Variants in RAPGEF4 observed in about 807,000 individuals in gnomAD.
RAPGEF4 encodes Rap guanine nucleotide exchange factor 4, also known as RAP guanine-nucleotide-exchange factor (GEF) 4.
RAPGEF4 carries 66 observed loss-of-function variants against 147.9 expected under a neutral mutation model. That is an observed-to-expected ratio of 0.45 (90% CI 0.37 to 0.55). RAPGEF4 has a LOEUF of 0.55. Ranked by LOEUF, RAPGEF4 falls within the 20% of genes least tolerant of loss-of-function variation. The probability of loss-of-function intolerance (pLI) is 0.00; values close to 1 mark genes in which losing one functional copy is unlikely to be tolerated. For synonymous variants in RAPGEF4, 419 were observed against 442.7 expected (o/e 0.95, Z 0.67); for missense variants, 1,071 against 1,257.3 (o/e 0.85, Z 2.24).
At chr2:173,047,558 T>C (rs1293517582) in intron 29 of RAPGEF4, among the ~76,000 whole-genome samples, 1 of 152,172 alleles carries the variant, frequency 6.6e-6, no homozygotes, top group Non-Finnish European at 1.5e-5. Flanking sequence ...AAAAACATGT[T>C]TTTATATATT....
intron 29 of RAPGEF4, chr2:173,048,367 T>C: frequency 7.0e-6 from 6 of 862,454 alleles, no homozygotes; most frequent in Non-Finnish European, 9.6e-6. Flanking sequence ...CCAACAATTA[T>C]GAGAGTTATG....
At chr2:172,792,114 G>A (rs529332600) in intron 1 of RAPGEF4, among the ~76,000 whole-genome samples, 29 of 152,280 alleles carry the variant, frequency 1.9e-4, no homozygotes, top group Admixed American at 1.8e-3. Context: ...TTCTGTGGCC[G>A]CAACCTGACT....
chr2:172,884,780 A>G (rs1697000697), intron 4 of RAPGEF4, among the ~76,000 whole-genome samples: 1 of 152,178 alleles, frequency 6.6e-6, no homozygotes, highest in Admixed American at 6.5e-5. Context: ...TTTTTTTCCA[A>G]AAAAATACAT....
intron 6 of RAPGEF4, among the ~76,000 whole-genome samples, chr2:172,936,449 A>G (rs1225140427): frequency 6.6e-6 from 1 of 152,206 alleles, no homozygotes; most frequent in Non-Finnish European, 1.5e-5. Context: ...GTATACAAAT[A>G]GAAACAAAAT....
chr2:172,974,624 A>G (rs1690874108), intron 10 of RAPGEF4, among the ~76,000 whole-genome samples: 1 of 152,238 alleles, frequency 6.6e-6, no homozygotes, highest in Non-Finnish European at 1.5e-5. Flanking sequence ...TGGAGGCTGC[A>G]GTGAGCCGTG....
chr2:173,017,300 T>C (rs1695594163), intron 20 of RAPGEF4, 96 bp downstream of exon 20: 3 of 1,498,494 alleles, frequency 2.0e-6, no homozygotes, highest in Non-Finnish European at 2.8e-6. Flanking sequence ...TGATTTCTTT[T>C]TTGTAGACGT....
chr2:172,841,172 G>C (rs966579109), intron 4 of RAPGEF4, among the ~76,000 whole-genome samples: 5 of 152,178 alleles, frequency 3.3e-5, no homozygotes, highest in Admixed American at 6.5e-5. Context: ...TTTGGCTGGT[G>C]GGGGCAGATC....
At chr2:172,808,881 T>G (rs1361862857) in intron 3 of RAPGEF4, among the ~76,000 whole-genome samples, 1 of 152,160 alleles carries the variant, frequency 6.6e-6, no homozygotes, top group Non-Finnish European at 1.5e-5. Flanking sequence ...TGACCATGGG[T>G]AGCCTCCACG....
intron 6 of RAPGEF4, among the ~76,000 whole-genome samples, chr2:172,937,353 C>G (rs1263969293): frequency 6.6e-6 from 1 of 152,142 alleles, no homozygotes; most frequent in Non-Finnish European, 1.5e-5. Context: ...CTCCTTTTGG[C>G]TATCCATTTC....
chr2:172,991,092 A>T (rs1300127999), intron 15 of RAPGEF4, among the ~76,000 whole-genome samples, 167 bp downstream of exon 15: 2 of 152,162 alleles, frequency 1.3e-5, no homozygotes, highest in African/African-American at 4.8e-5. Flanking sequence ...TAATGTATCC[A>T]TTTCTGGCAC....
chr2:172,784,531 G>T (rs887533083), intron 1 of RAPGEF4, among the ~76,000 whole-genome samples: 2 of 142,546 alleles, frequency 1.4e-5, no homozygotes, highest in Non-Finnish European at 3.1e-5. Context: ...AAAAAAAAAA[G>T]ATCCCTGAAA....
chr2:172,844,849 C>T (rs1029009568), intron 4 of RAPGEF4, among the ~76,000 whole-genome samples: 3 of 152,134 alleles, frequency 2.0e-5, no homozygotes, highest in Admixed American at 1.3e-4. Context: ...ATGTCATCTA[C>T]GATGTGGAAA....
chr2:172,805,602 C>G (rs1294760355), intron 3 of RAPGEF4, among the ~76,000 whole-genome samples: 2 of 152,194 alleles, frequency 1.3e-5, no homozygotes, highest in Non-Finnish European at 2.9e-5. Flanking sequence ...CTTCATCCTC[C>G]TAAGGTGTCC....
chr2:172,872,280 A>G (rs534314887), intron 4 of RAPGEF4, among the ~76,000 whole-genome samples: 1 of 152,136 alleles, frequency 6.6e-6, no homozygotes, highest in Non-Finnish European at 1.5e-5. Context: ...GTGACGAACT[A>G]TTATTCCTTT....
chr2:172,760,444 C>T (rs571026773), intron 1 of RAPGEF4, among the ~76,000 whole-genome samples: 46 of 152,240 alleles, frequency 3.0e-4, no homozygotes, highest in Admixed American at 1.4e-3. Flanking sequence ...GGAGGCTGGG[C>T]GTGGTGGCTC....
intron 1 of RAPGEF4, among the ~76,000 whole-genome samples, chr2:172,782,161 A>C (rs1483593432): frequency 6.6e-6 from 1 of 152,224 alleles, no homozygotes; most frequent in Non-Finnish European, 1.5e-5. Flanking sequence ...TAAACTCATC[A>C]TTAACTCATA....
intron 27 of RAPGEF4, 93 bp from the exon 28 acceptor site, chr2:173,036,032 T>C: frequency 1.1e-6 from 1 of 930,574 alleles, no homozygotes; most frequent in Non-Finnish European, 1.8e-6. Flanking sequence ...CAACTGTACC[T>C]GATTGTGGGG....
chr2:172,893,340 G>A (rs1203393014), intron 4 of RAPGEF4, among the ~76,000 whole-genome samples: 1 of 152,232 alleles, frequency 6.6e-6, no homozygotes, highest in African/African-American at 2.4e-5. Context: ...CCAGTTGGAG[G>A]CTAACTTAGA....
intron 3 of RAPGEF4, among the ~76,000 whole-genome samples, chr2:172,798,946 C>A (rs143527756): frequency 2.7e-4 from 41 of 152,314 alleles, no homozygotes; most frequent in Non-Finnish European, 5.0e-4. Flanking sequence ...AGCCTGGAAC[C>A]TGTGCTTCCC....
Sources: allele counts gnomAD v4.1 joint callset (sites outside exome capture counted in the v4.1 genomes callset), GRCh38; gene constraint gnomAD v4.1.1; transcripts MANE v1.5; gene names NCBI Gene and HGNC (gene_info 2026-07-23, HGNC 2026-07-21).